DPP10: variants seen among roughly 807,000 people sequenced by gnomAD.
The protein encoded by DPP10 is inactive dipeptidyl peptidase 10.
A neutral mutation model predicts 120.9 loss-of-function variants in DPP10; 33 were observed. The observed-to-expected ratio is 0.27, with a 90% CI of 0.21 to 0.37. The LOEUF (loss-of-function observed/expected upper bound fraction) is 0.37, where lower values mean the gene tolerates loss of function less well. Among genes scored for constraint, DPP10 ranks in the 10% least tolerant of loss-of-function variants. The pLI, the probability that DPP10 is intolerant of heterozygous loss-of-function variation, is 1.00. For missense variants in DPP10, 816 were observed against 942.8 expected (o/e 0.87, Z 1.76); for synonymous variants, 337 against 326.1 (o/e 1.03, Z -0.36).
At chr2:114,634,332 T>C (rs1695152924) in intron 1 of DPP10, among the ~76,000 whole-genome samples, 1 of 151,834 alleles carries the variant, frequency 6.6e-6, no homozygotes, top group South Asian at 2.1e-4. Flanking sequence ...ATCCTGTCCT[T>C]TCTACCCAAG....
intron 1 of DPP10, among the ~76,000 whole-genome samples, chr2:115,077,147 G>A (rs13424206): frequency 0.14 from 20,928 of 152,024 alleles, 1,664 homozygotes; most frequent in East Asian, 0.17. Context: ...TTGTATATAG[G>A]TGCAATGGAA....
intron 1 of DPP10, among the ~76,000 whole-genome samples, chr2:114,805,912 G>A (rs1208097656): frequency 3.3e-5 from 5 of 152,170 alleles, no homozygotes; most frequent in African/African-American, 1.2e-4. Flanking sequence ...ATTCTATCAT[G>A]TACCCTCATG....
chr2:115,472,683 T>A (rs1459516733), intron 3 of DPP10, among the ~76,000 whole-genome samples: 1 of 152,204 alleles, frequency 6.6e-6, no homozygotes, highest in Non-Finnish European at 1.5e-5. Flanking sequence ...ACTGTGTGCA[T>A]CTTTACTAGG....
chr2:115,278,344 T>C (rs1254854962), intron 1 of DPP10, among the ~76,000 whole-genome samples: 1 of 152,210 alleles, frequency 6.6e-6, no homozygotes, highest in Non-Finnish European at 1.5e-5. Context: ...GGTTGAGCTC[T>C]TCCTTCATTT....
At chr2:114,633,337 C>T (rs995519562) in intron 1 of DPP10, among the ~76,000 whole-genome samples, 1 of 146,172 alleles carries the variant, frequency 6.8e-6, no homozygotes, top group African/African-American at 2.6e-5. Context: ...CTGCAACCTC[C>T]ACCTCCCAGA....
chr2:115,049,477 T>C (rs1705308929), intron 1 of DPP10, among the ~76,000 whole-genome samples: 1 of 152,190 alleles, frequency 6.6e-6, no homozygotes, highest in Non-Finnish European at 1.5e-5. Flanking sequence ...GGAGACAATA[T>C]TTGCTGACTT....
At chr2:114,862,186 A>T (rs1329648376) in intron 1 of DPP10, among the ~76,000 whole-genome samples, 1 of 152,222 alleles carries the variant, frequency 6.6e-6, no homozygotes, top group Non-Finnish European at 1.5e-5. Context: ...AAGTCAGTCC[A>T]GAAAAACAAA....
chr2:115,012,917 G>T (rs1461493876), intron 1 of DPP10, among the ~76,000 whole-genome samples: 1 of 152,114 alleles, frequency 6.6e-6, no homozygotes, highest in Non-Finnish European at 1.5e-5. Flanking sequence ...TCAAAAACAT[G>T]ATATAGGATA....
At position 115,601,113 on chromosome 2, in the gene DPP10, C is replaced by T. The variant is rs2083294581; in HGVS notation, c.441+75141C>T. On this transcript the variant is annotated intron_variant, in intron 5 of 25. Transcript: ENST00000410059. ...TTATTCAGTTTTGCCCAGTTACCTA[C>T]TTCTTAAAAGAGAAATGTCATTCAG... Among the ~76,000 whole-genome samples the T allele has an allele frequency of 3.9e-5, 6 of 152,284 alleles. No individual in the cohort carries two copies. The South Asian group carries it at 1.2e-3, about 32-fold the overall frequency.
At chr2:115,000,265 CTT>C (rs1701353216) in intron 1 of DPP10, among the ~76,000 whole-genome samples, 1 of 151,938 alleles carries the variant, frequency 6.6e-6, no homozygotes, top group Middle Eastern at 3.4e-3. Flanking sequence ...ATTCATTAAA[CTT>C]TAAGTTAGTG....
chr2:115,151,998 T>C (rs942495191), intron 1 of DPP10, among the ~76,000 whole-genome samples: 1 of 152,174 alleles, frequency 6.6e-6, no homozygotes, highest in African/African-American at 2.4e-5. Context: ...TTGATCTCTT[T>C]TTCTACTTCT....
intron 3 of DPP10, among the ~76,000 whole-genome samples, chr2:115,459,876 C>T (rs2073877500): frequency 6.7e-6 from 1 of 148,804 alleles, no homozygotes; most frequent in African/African-American, 2.5e-5. Context: ...GTTATTAGAC[C>T]ACCCATAGGT....
At chr2:115,765,040 A>T (rs1680552020) in intron 12 of DPP10, among the ~76,000 whole-genome samples, 4 of 152,102 alleles carry the variant, frequency 2.6e-5, no homozygotes, top group Non-Finnish European at 4.4e-5. Context: ...TGTGTGTCAA[A>T]AACACTGACT....
At chr2:115,563,915 A>G (rs1311525518) in intron 5 of DPP10, among the ~76,000 whole-genome samples, 1 of 152,308 alleles carries the variant, frequency 6.6e-6, no homozygotes, top group East Asian at 1.9e-4. Flanking sequence ...TCTGTATTCA[A>G]ATTTTTATCT....
chr2:115,707,649 C>A, intron 7 of DPP10, among the ~76,000 whole-genome samples: 1 of 151,606 alleles, frequency 6.6e-6, no homozygotes, highest in East Asian at 2.0e-4. Flanking sequence ...CTGAACACAA[C>A]TTAAATTATT....
chr2:114,768,511 A>C (rs1419840757), intron 1 of DPP10, among the ~76,000 whole-genome samples: 1 of 152,194 alleles, frequency 6.6e-6, no homozygotes, highest in African/African-American at 2.4e-5. Flanking sequence ...AAAGTACTCA[A>C]ATCATCTGGA....
intron 1 of DPP10, among the ~76,000 whole-genome samples, chr2:114,809,681 C>T (rs553486200): frequency 1.4e-4 from 22 of 152,238 alleles, no homozygotes; most frequent in African/African-American, 3.6e-4. Context: ...AGAGATACCC[C>T]GTCCTCTTAC....
At chr2:115,709,118 A>G (rs1338668293) in intron 7 of DPP10, among the ~76,000 whole-genome samples, 1 of 152,118 alleles carries the variant, frequency 6.6e-6, no homozygotes, top group Admixed American at 6.6e-5. Context: ...TTTACAGGAA[A>G]ATAGCTCACA....
intron 11 of DPP10, among the ~76,000 whole-genome samples, chr2:115,759,317 G>A (rs1679807836): frequency 3.9e-5 from 6 of 151,902 alleles, no homozygotes; most frequent in Admixed American, 3.3e-4. Flanking sequence ...TTAGTTATTT[G>A]GGAGGCTGAC....
Sources: allele counts gnomAD v4.1 joint callset (sites outside exome capture counted in the v4.1 genomes callset), GRCh38; gene constraint gnomAD v4.1.1; transcripts MANE v1.5; gene names NCBI Gene and HGNC (gene_info 2026-07-23, HGNC 2026-07-21).